MYO1D: variants seen among roughly 807,000 people sequenced by gnomAD.
MYO1D encodes myosin ID, also known as unconventional myosin-Id.
MYO1D carries 83 observed loss-of-function variants against 122.0 expected under a neutral mutation model. The observed-to-expected ratio is 0.68, with a 90% confidence interval of 0.57 to 0.82. The LOEUF (loss-of-function observed/expected upper bound fraction) is 0.82, where lower values mean the gene tolerates loss of function less well. Ranked by LOEUF, MYO1D falls within the 40% of genes least tolerant of loss-of-function variation. MYO1D has a pLI of 0.00. For synonymous variants in MYO1D, 464 were observed against 446.9 expected (o/e 1.04, Z -0.48); for missense variants, 1,157 against 1,269.5 (o/e 0.91, Z 1.35).
At chr17:32,848,433 A>G (rs571961263) in intron 1 of MYO1D, among the ~76,000 whole-genome samples, 4 of 152,352 alleles carry the variant, frequency 2.6e-5, no homozygotes, top group African/African-American at 9.6e-5. Flanking sequence ...AGTACATGGG[A>G]GTTCCTGTAA....
intron 20 of MYO1D, chr17:32,632,542 G>C (rs1245467625): frequency 7.3e-6 from 1 of 136,628 alleles, no homozygotes; most frequent in Non-Finnish European, 1.6e-5. Context: ...TCATGAGAAA[G>C]AAAACATGCA....
intron 21 of MYO1D, chr17:32,510,727 G>C (rs1044992857): frequency 6.6e-6 from 1 of 152,110 alleles, no homozygotes; most frequent in African/African-American, 2.4e-5. Flanking sequence ...GAGGCCTGGC[G>C]ACCCCTGCGT....
intron 20 of MYO1D, among the ~76,000 whole-genome samples, chr17:32,622,901 C>T (rs1009353995): frequency 6.6e-6 from 1 of 152,194 alleles, no homozygotes; most frequent in Non-Finnish European, 1.5e-5. Flanking sequence ...CAACAACCAC[C>T]CATCTGCTTC....
At chr17:32,588,691 T>C (rs2087412210) in intron 21 of MYO1D, among the ~76,000 whole-genome samples, 1 of 152,158 alleles carries the variant, frequency 6.6e-6, no homozygotes, top group Non-Finnish European at 1.5e-5. Context: ...TGGCTCAGCC[T>C]GTAATCTCCG....
chr17:32,806,034 G>A (rs1006593615), intron 1 of MYO1D, among the ~76,000 whole-genome samples: 10 of 152,162 alleles, frequency 6.6e-5, no homozygotes, highest in Non-Finnish European at 1.3e-4. Context: ...CAAGGTGGGC[G>A]GATCACAAGG....
At chr17:32,580,130 A>G (rs2087318052) in intron 21 of MYO1D, among the ~76,000 whole-genome samples, 2 of 152,154 alleles carry the variant, frequency 1.3e-5, no homozygotes, top group African/African-American at 4.8e-5. Context: ...CAAAATGGAC[A>G]AACCAGTTAT....
chr17:32,841,854 G>T (rs1440453959), intron 1 of MYO1D, among the ~76,000 whole-genome samples: 4 of 152,104 alleles, frequency 2.6e-5, no homozygotes, highest in Non-Finnish European at 5.9e-5. Context: ...GGTCTGCAGG[G>T]TATTTCTCTG....
At chr17:32,826,977 A>G (rs2090728431) in intron 1 of MYO1D, among the ~76,000 whole-genome samples, 1 of 152,250 alleles carries the variant, frequency 6.6e-6, no homozygotes, top group African/African-American at 2.4e-5. Context: ...GAAAGACAGT[A>G]TGGTAGTTCC....
chr17:32,522,570 C>T (rs115369627), intron 21 of MYO1D, among the ~76,000 whole-genome samples: 1,792 of 152,214 alleles, frequency 0.012, 44 homozygotes, highest in African/African-American at 0.041. Flanking sequence ...GCACAGAGCA[C>T]TGAGAGGTGA....
At chr17:32,582,930 T>A (rs1433085714) in intron 21 of MYO1D, among the ~76,000 whole-genome samples, 1 of 152,196 alleles carries the variant, frequency 6.6e-6, no homozygotes, top group African/African-American at 2.4e-5. Context: ...AAAGATTTAA[T>A]CAACAAGGAA....
At chr17:32,866,300 C>T (rs2091124294) in intron 1 of MYO1D, among the ~76,000 whole-genome samples, 1 of 152,188 alleles carries the variant, frequency 6.6e-6, no homozygotes, top group Non-Finnish European at 1.5e-5. Context: ...AAAAAATTCT[C>T]TCTCTCTTCT....
intron 16 of MYO1D, among the ~76,000 whole-genome samples, chr17:32,711,239 A>T (rs1415413552): frequency 6.6e-6 from 1 of 152,246 alleles, no homozygotes; most frequent in Non-Finnish European, 1.5e-5. Flanking sequence ...GTACAGCACC[A>T]TCAACTAACG....
chr17:32,782,421 C>A (rs1431141288), intron 1 of MYO1D, among the ~76,000 whole-genome samples: 3 of 152,202 alleles, frequency 2.0e-5, no homozygotes, highest in African/African-American at 7.2e-5. Flanking sequence ...AGCTACTTAA[C>A]CTCCATGTGT....
intron 1 of MYO1D, among the ~76,000 whole-genome samples, chr17:32,868,399 A>AG (rs1185122548): frequency 6.6e-6 from 1 of 152,234 alleles, no homozygotes; most frequent in Non-Finnish European, 1.5e-5. Flanking sequence ...GACAAGATTA[A>AG]GGTCCAGATT....
rs200046643 is a variant in MYO1D at position 32,808,988 on chromosome 17, C to T, written c.96-28204G>A. Among the ~76,000 whole-genome samples the T allele has an allele frequency of 9.5e-4, 144 of 152,086 alleles. 1 individual carries two copies. The highest frequency in any genetic ancestry group is 3.3e-3 in the African/African-American group (138 of 41,466). On this transcript the variant is annotated intron_variant, in intron 1 of 21. Transcript: ENST00000318217. Reference sequence around the variant, plus strand: ...ATACGTATATATGTAAACATGTGTACGTATACGTACATATAAATACACACA... The same window carrying T: ...ATACGTATATATGTAAACATGTGTATGTATACGTACATATAAATACACACA...
chr17:32,580,979 G>A (rs1420494101), intron 21 of MYO1D, among the ~76,000 whole-genome samples: 1 of 152,162 alleles, frequency 6.6e-6, no homozygotes, highest in African/African-American at 2.4e-5. Flanking sequence ...GAGCTGGAAA[G>A]CATTATCTCC....
intron 1 of MYO1D, among the ~76,000 whole-genome samples, chr17:32,864,495 G>A (rs550854066): frequency 3.2e-5 from 4 of 123,498 alleles, no homozygotes; most frequent in African/African-American, 1.2e-4. Context: ...CACCACTAAT[G>A]TTTCCTGCTT....
chr17:32,657,209 T>C (rs181640211), intron 17 of MYO1D, among the ~76,000 whole-genome samples: 6 of 152,358 alleles, frequency 3.9e-5, no homozygotes, highest in African/African-American at 1.4e-4. Flanking sequence ...CATGATTAGA[T>C]GCACATTGAG....
At chr17:32,750,495 G>A (rs1051961929) in intron 11 of MYO1D, among the ~76,000 whole-genome samples, 1 of 151,932 alleles carries the variant, frequency 6.6e-6, no homozygotes, top group African/African-American at 2.4e-5. Flanking sequence ...GACGCCTGTA[G>A]TCCCAGCTAC....
Sources: allele counts gnomAD v4.1 joint callset (sites outside exome capture counted in the v4.1 genomes callset), GRCh38; gene constraint gnomAD v4.1.1; transcripts MANE v1.5; gene names NCBI Gene and HGNC (gene_info 2026-07-23, HGNC 2026-07-21).